Variants in SPATA31E1 observed in about 807,000 individuals in gnomAD.
SPATA31E1 encodes the protein SPATA31 subfamily E member 1.
SPATA31E1 carries 7 observed loss-of-function variants against 12.9 expected under a neutral mutation model. The ratio of observed to expected loss-of-function variants is 0.54; its 90% CI spans 0.31 to 1.02. The LOEUF (loss-of-function observed/expected upper bound fraction) is 1.02. SPATA31E1 is among the 50% of genes least tolerant of loss of function. The pLI, the probability that SPATA31E1 is intolerant of heterozygous loss-of-function variation, is 0.05. For missense variants in SPATA31E1, 1,961 were observed against 1,799.8 expected (o/e 1.09, Z -1.62); for synonymous variants, 771 against 719.0 (o/e 1.07, Z -1.16).
Position 87,887,117 on chromosome 9 carries a change from C to G in SPATA31E1, c.2630C>G (p.Pro877Arg), listed in dbSNP as rs1013375690. ...CCCTTCCCACAATCCACCTTTACCC[C>G]CTGGGCCTCCTGGGTATCTCGGGTT... Reference protein sequence around the residue: ...APPFPQSTFTPWASWVSRVES... With the variant: ...APPFPQSTFTRWASWVSRVES... The change falls in exon 4 of 4, where the codon CCC becomes CGC. Residue 877 changes from proline (P) to arginine (R), a missense_variant. Pro to Arg is a moderately radical substitution (Grantham distance 103). Transcript: ENST00000325643. 2.5e-6 allele frequency: 4 copies of G among 1,614,112 alleles called. No homozygotes were observed. Among genetic ancestry groups the G allele is most frequent in the Non-Finnish European group, 3.4e-6 (4 of 1,180,026 alleles).
At position 87,886,650 on chromosome 9, in the gene SPATA31E1, C is replaced by T; in HGVS notation, c.2163C>T (p.Gly721=). The T allele has an allele frequency of 6.2e-7, 1 of 1,613,996 alleles. No homozygotes were observed. The highest frequency in any genetic ancestry group is 8.5e-7 in the Non-Finnish European group (1 of 1,180,018). The change falls in exon 4 of 4, where the codon GGC becomes GGT. Residue 721 remains glycine (G), a synonymous_variant. Coordinates refer to ENST00000325643, the MANE Select transcript of SPATA31E1 (RefSeq NM_178828.5). ...KLGPDPSRDQ[G]SGRTSVKALD... Reference sequence around the variant, plus strand: ...GGCCGGACCCAAGCCGGGATCAAGGCTCAGGAAGGACCTCAGTGAAGGCTC... The same window carrying T: ...GGCCGGACCCAAGCCGGGATCAAGGTTCAGGAAGGACCTCAGTGAAGGCTC...
Position 87,888,810 on chromosome 9 carries a change from G to T in SPATA31E1, c.4323G>T (p.Arg1441Ser), listed in dbSNP as rs781541996. The T allele has an allele frequency of 9.7e-5, 155 of 1,605,798 alleles. 1 individual carries two copies. The Admixed American group carries it at 2.6e-3, about 27-fold the overall frequency. Residue 1441 changes from arginine to serine, a missense_variant, in exon 4 of 4, where the codon AGG (arginine) becomes AGT (serine). Physicochemically the swap from Arg to Ser is moderately radical, Grantham distance 110. Transcript: ENST00000325643. ...TGCAGGAACTGATGTCTGCACAGAG[G>T]TGTCTTGCCTCCTGAACTAGACCAG... ...PQLQELMSAQ[R>S]CLAS is the part of the protein sequence containing the mutation.
chr9:87,888,061 C>A lies in SPATA31E1; in HGVS notation c.3574C>A (p.Gln1192Lys), dbSNP rs114457222. The change falls in exon 4 of 4, where the codon CAG becomes AAG. Residue 1192 changes from glutamine (Q) to lysine (K), a missense_variant. Transcript: ENST00000325643. The part of the protein sequence containing the change: ...EPGSPKAKAP[Q>K]KSQKTLGCAD... ...TGGGAGCCCAAAAGCAAAGGCCCCA[C>A]AGAAGAGTCAGAAGACGCTGGGCTG... 820 of 1,603,430 alleles carry A rather than the reference C, an allele frequency of 5.1e-4. No homozygotes were observed. The African/African-American group carries it at 9.3e-3, about 18-fold the overall frequency.
chr9:87,888,805 C>G lies in SPATA31E1; in HGVS notation c.4318C>G (p.Gln1440Glu). Residue 1440 changes from glutamine (Q) to glutamate (E), a missense_variant, in exon 4 of 4, where the codon CAG (glutamine) becomes GAG (glutamate). Transcript: ENST00000325643. ...HPQLQELMSAQRCLAS is the reference protein window; with the variant it reads ...HPQLQELMSAERCLAS The stretch of plus-strand genomic sequence containing the variant: ...ACAGCTGCAGGAACTGATGTCTGCA[C>G]AGAGGTGTCTTGCCTCCTGAACTAG... 6.2e-7 allele frequency: 1 copy of G among 1,607,798 alleles called. No individual in the cohort carries two copies. Among genetic ancestry groups the G allele is most frequent in the Non-Finnish European group, 8.5e-7 (1 of 1,177,354 alleles).
In SPATA31E1 at chr9:87,883,146, C is replaced by T. The variant is rs144644722; in HGVS notation, c.255C>T (p.Tyr85=). The change falls in exon 1 of 4, where the codon TAC becomes TAT. Residue 85 remains tyrosine, a synonymous_variant. Transcript: ENST00000325643. Reference sequence around the variant, plus strand: ...TGCTCCTCTTCCTATTGCTCCTCTACGTCCACAGTGACCCACCCTCACCCC... The same window carrying T: ...TGCTCCTCTTCCTATTGCTCCTCTATGTCCACAGTGACCCACCCTCACCCC... ...GLVLLFLLLL[Y]VHSDPPSPPP... is the part of the protein sequence containing the mutation. 6.3e-6 allele frequency: 10 copies of T among 1,595,992 alleles called. No homozygotes were observed. Among genetic ancestry groups the T allele is most frequent in the African/African-American group, 4.0e-5 (3 of 74,632 alleles).
Position 87,885,020 on chromosome 9 carries a change from G to A in SPATA31E1, c.533G>A (p.Gly178Glu), listed in dbSNP as rs1159839916. The A allele has an allele frequency of 3.7e-6, 6 of 1,614,024 alleles. No homozygotes were observed. In the East Asian group the frequency reaches 1.3e-4, roughly 36 times the overall value. The change falls in exon 4 of 4, where the codon GGG (glycine) becomes GAG (glutamate). Residue 178 changes from glycine (G) to glutamate (E), a missense_variant. Transcript: ENST00000325643. The part of the protein sequence containing the change: ...PVPAKAHQPH[G>E]KCMQDPSPAS... Reference sequence around the variant, plus strand: ...CCTGCTAAGGCCCACCAGCCGCATGGGAAATGCATGCAAGATCCGTCTCCT... The same window carrying A: ...CCTGCTAAGGCCCACCAGCCGCATGAGAAATGCATGCAAGATCCGTCTCCT...
chr9:87,888,858 G>T lies in SPATA31E1; in HGVS notation c.*33G>T. 2 of 1,541,982 alleles carry T rather than the reference G, an allele frequency of 1.3e-6. No individual in the cohort carries two copies. Among genetic ancestry groups the T allele is most frequent in the Non-Finnish European group, 1.7e-6 (2 of 1,149,296 alleles). ...CAGTCTTCTTGCATGTCTCCTGGGGGAGACAGGGGGTTCTACTCAAATAAA... is the reference window on the plus strand; with the variant it reads ...CAGTCTTCTTGCATGTCTCCTGGGGTAGACAGGGGGTTCTACTCAAATAAA... On this transcript the variant is annotated 3_prime_UTR_variant, in exon 4 of 4. Transcript: ENST00000325643.
Position 87,886,289 on chromosome 9 carries a change from AAG to A in SPATA31E1, c.1807_1808del (p.Arg603AlafsTer20). 1 of 1,613,516 alleles carries A rather than the reference AAG, an allele frequency of 6.2e-7. No homozygotes were observed. Among genetic ancestry groups the A allele is most frequent in the Non-Finnish European group, 8.5e-7 (1 of 1,179,934 alleles). On this transcript the variant is annotated frameshift_variant, in exon 4 of 4. Transcript: ENST00000325643. LOFTEE classifies it low-confidence loss of function (END_TRUNC). ...AGCCAGCCCACTGCCCACCTTCCCC[AAG>A]AGAGGCCGGCCTCCTGGAGCCCCAA...
At position 87,886,640 on chromosome 9, in the gene SPATA31E1, G is replaced by C; in HGVS notation, c.2153G>C (p.Arg718Pro). 6.2e-7 allele frequency: 1 copy of C among 1,613,990 alleles called. No homozygotes were observed. Among genetic ancestry groups the C allele is most frequent in the Middle Eastern group, 1.6e-4 (1 of 6,062 alleles). ...LGSKLGPDPS[R>P]DQGSGRTSVK... Reference sequence around the variant, plus strand: ...TCCAAACTAGGGCCGGACCCAAGCCGGGATCAAGGCTCAGGAAGGACCTCA... The same window carrying C: ...TCCAAACTAGGGCCGGACCCAAGCCCGGATCAAGGCTCAGGAAGGACCTCA... Residue 718 changes from arginine to proline, a missense_variant, in exon 4 of 4, where the codon CGG (arginine) becomes CCG (proline). Transcript: ENST00000325643.
Position 87,887,321 on chromosome 9 carries a change from G to A in SPATA31E1, c.2834G>A (p.Arg945Gln), listed in dbSNP as rs77279910. Residue 945 changes from arginine to glutamine, a missense_variant, in exon 4 of 4, where the codon CGA (arginine) becomes CAA (glutamine). Coordinates refer to ENST00000325643, the MANE Select transcript of SPATA31E1 (RefSeq NM_178828.5). ...TCCCAGTCAGCTGATACCCATGGGC[G>A]ATCAGAGGCCTTTCCGACTGGACAC... ...RGSQSADTHG[R>Q]SEAFPTGHKG... 1,405 of 1,613,752 alleles carry A rather than the reference G, an allele frequency of 8.7e-4. 12 individuals are homozygous for A. In the African/African-American group the frequency reaches 0.017, roughly 19 times the overall value.
Position 87,885,992 on chromosome 9 carries a change from A to T in SPATA31E1, c.1505A>T (p.Gln502Leu). 1 of 1,613,058 alleles carries T rather than the reference A, an allele frequency of 6.2e-7. No homozygotes were observed. The highest frequency in any genetic ancestry group is 8.5e-7 in the Non-Finnish European group (1 of 1,179,782). The change falls in exon 4 of 4, where the codon CAG becomes CTG. Residue 502 changes from glutamine (Q) to leucine (L), a missense_variant. Transcript: ENST00000325643. ...CCGCCCCAGCCCCACCACATGGCCC[A>T]GCCCCAACATTTCACTCCAGCCTGG... ...QAPPQPHHMA[Q>L]PQHFTPAWPQ...
In SPATA31E1 at chr9:87,885,240, C is replaced by G; in HGVS notation, c.753C>G (p.Pro251=). 6.2e-7 allele frequency: 1 copy of G among 1,614,120 alleles called. No homozygotes were observed. The highest frequency in any genetic ancestry group is 1.3e-5 in the African/African-American group (1 of 75,036). The change falls in exon 4 of 4, where the codon CCC becomes CCG. Residue 251 remains proline (P), a synonymous_variant. Coordinates refer to ENST00000325643, the MANE Select transcript of SPATA31E1 (RefSeq NM_178828.5). The part of the protein sequence containing the change: ...VFPPSPQPHG[P]LASSPPPPDS... ...CTCCTTCACCACAGCCGCATGGTCC[C>G]CTGGCCTCCTCTCCACCTCCACCCG...
At chr9:87,884,887 C>T (rs754004976) in intron 3 of SPATA31E1, 26 bp from the exon 4 acceptor site, 26 of 1,582,370 alleles carry the variant, frequency 1.6e-5, no homozygotes, top group Middle Eastern at 1.9e-4. Context: ...CCCCTGGCTG[C>T]AGCTTGTGCC....
In SPATA31E1 at chr9:87,886,218, G is replaced by C. The variant is rs140110300; in HGVS notation, c.1731G>C (p.Trp577Cys). 3.7e-6 allele frequency: 6 copies of C among 1,613,670 alleles called. No homozygotes were observed. In the African/African-American group the frequency reaches 8.0e-5, roughly 22 times the overall value. The change falls in exon 4 of 4, where the codon TGG (tryptophan) becomes TGC (cysteine). Residue 577 changes from tryptophan (W) to cysteine (C), a missense_variant. Trp to Cys is a radical substitution (Grantham distance 215). Coordinates refer to ENST00000325643, the MANE Select transcript of SPATA31E1 (RefSeq NM_178828.5). ...GGCCCTTGAAGAAGCGACCAAAGTG[G>C]AAGAGGGTTTTGCCCTCTCTCCTCA... ...LEWPLKKRPK[W>C]KRVLPSLLKK... is the part of the protein sequence containing the mutation.
chr9:87,887,964 G>C lies in SPATA31E1; in HGVS notation c.3477G>C (p.Lys1159Asn). The change falls in exon 4 of 4, where the codon AAG becomes AAC. Residue 1159 changes from lysine to asparagine, a missense_variant. Transcript: ENST00000325643. Reference protein sequence around the residue: ...PLSTSQSVSGKNMTASQGPCA... With the variant: ...PLSTSQSVSGNNMTASQGPCA... ...CCACCTCCCAGAGTGTGTCTGGTAA[G>C]AACATGACAGCTTCCCAGGGGCCAT... 2 of 1,613,880 alleles carry C rather than the reference G, an allele frequency of 1.2e-6. No homozygotes were observed. The highest frequency in any genetic ancestry group is 2.2e-5 in the South Asian group (2 of 91,086).
Position 87,886,847 on chromosome 9 carries a change from G to A in SPATA31E1, c.2360G>A (p.Arg787His), listed in dbSNP as rs753930842. The A allele has an allele frequency of 2.2e-5, 36 of 1,614,026 alleles. No individual in the cohort carries two copies. Among genetic ancestry groups the A allele is most frequent in the African/African-American group, 4.0e-5 (3 of 74,916 alleles). The part of the protein sequence containing the change: ...KEGWIPMPVR[R>H]SWLMAKCAVP... ...GGCTGGATCCCCATGCCTGTGCGTC[G>A]CTCCTGGCTCATGGCCAAATGTGCT... Residue 787 changes from arginine to histidine, a missense_variant, in exon 4 of 4, where the codon CGC becomes CAC. Arg to His is a conservative substitution (Grantham distance 29, BLOSUM62 0). Transcript: ENST00000325643.
In SPATA31E1 at chr9:87,888,648, C is replaced by T. The variant is rs138857078; in HGVS notation, c.4161C>T (p.His1387=). 4 of 1,614,152 alleles carry T rather than the reference C, an allele frequency of 2.5e-6. No homozygotes were observed. The highest frequency in any genetic ancestry group is 1.3e-5 in the African/African-American group (1 of 75,054). Reference sequence around the variant, plus strand: ...CTAAAGCCACCCCCAAGGGCCACCACTGTCCTGTCAAAAACAGGGGCATCA... The same window carrying T: ...CTAAAGCCACCCCCAAGGGCCACCATTGTCCTGTCAAAAACAGGGGCATCA... ...CSPKATPKGH[H]CPVKNRGIRD... is the part of the protein sequence containing the mutation. The change falls in exon 4 of 4, where the codon CAC becomes CAT. Residue 1387 remains histidine, a synonymous_variant. Transcript: ENST00000325643.
chr9:87,883,366 T>TCCC (rs1828203877), intron 1 of SPATA31E1, among the ~76,000 whole-genome samples, 166 bp downstream of exon 1: 1 of 151,944 alleles, frequency 6.6e-6, no homozygotes, highest in African/African-American at 2.4e-5. Context: ...GAGGATTCCA[T>TCCC]CCCGAGCTCA....
chr9:87,887,233 G>GT lies in SPATA31E1; in HGVS notation c.2747dup (p.Ser917GlufsTer10), dbSNP rs757565050. 15 of 1,614,034 alleles carry GT rather than the reference G, an allele frequency of 9.3e-6. No homozygotes were observed. The highest frequency in any genetic ancestry group is 1.3e-5 in the African/African-American group (1 of 75,046). ...AACAACAAGCAAGTCAGTCCCGACC[G>GT]TGAGTGGCCCTCTCGCTGCCCCACC... is the stretch of plus-strand genomic sequence containing the variant. On this transcript the variant is annotated frameshift_variant, in exon 4 of 4. Coordinates refer to ENST00000325643, the MANE Select transcript of SPATA31E1 (RefSeq NM_178828.5). LOFTEE classifies it low-confidence loss of function (END_TRUNC).
Sources: allele counts gnomAD v4.1 joint callset (sites outside exome capture counted in the v4.1 genomes callset), GRCh38; gene constraint gnomAD v4.1.1; transcripts MANE v1.5; gene names NCBI Gene and HGNC (gene_info 2026-07-23, HGNC 2026-07-21).